The following DMXL2 variants were observed in gnomAD, a reference collection of about 807,000 sequenced individuals.
DMXL2 encodes dmX-like protein 2.
DMXL2 carries 103 observed loss-of-function variants against 331.1 expected under a neutral mutation model. The ratio of observed to expected loss-of-function variants is 0.31; its 90% CI spans 0.27 to 0.37. DMXL2 has a LOEUF of 0.37. Ranked by LOEUF, DMXL2 falls within the 10% of genes least tolerant of loss-of-function variation. The probability of loss-of-function intolerance (pLI) is 1.00; values close to 1 mark genes in which losing one functional copy is unlikely to be tolerated. For synonymous variants in DMXL2, 1,281 were observed against 1,252.1 expected (o/e 1.02, Z -0.49); for missense variants, 3,171 against 3,642.9 (o/e 0.87, Z 3.33).
chr15:51,600,115 T>C (rs972900189), intron 1 of DMXL2, among the ~76,000 whole-genome samples: 4 of 152,202 alleles, frequency 2.6e-5, no homozygotes, highest in African/African-American at 9.7e-5. Flanking sequence ...ATTCCTATAA[T>C]TTTAGGTTGC....
At chr15:51,601,654 TA>T (rs1320764403) in intron 1 of DMXL2, among the ~76,000 whole-genome samples, 1 of 152,218 alleles carries the variant, frequency 6.6e-6, no homozygotes, top group Non-Finnish European at 1.5e-5. Flanking sequence ...TCTTAATGAC[TA>T]CAACTTTTAT....
intron 1 of DMXL2, among the ~76,000 whole-genome samples, chr15:51,588,563 ATAAAT>A (rs1167596345): frequency 1.3e-5 from 2 of 152,354 alleles, no homozygotes; most frequent in African/African-American, 4.8e-5. Flanking sequence ...ATATACCAAC[ATAAAT>A]TAATATTTAT....
At chr15:51,615,965 C>T (rs1478313066) in intron 1 of DMXL2, among the ~76,000 whole-genome samples, 1 of 152,126 alleles carries the variant, frequency 6.6e-6, no homozygotes, top group Non-Finnish European at 1.5e-5. Context: ...TGAGTTTCTC[C>T]TTAGATCACA....
At chr15:51,489,229 T>C (rs2042615739) in intron 20 of DMXL2, among the ~76,000 whole-genome samples, 3 of 152,190 alleles carry the variant, frequency 2.0e-5, no homozygotes, top group Admixed American at 1.3e-4. Context: ...CTGCAAATCA[T>C]TAAGTTGAAA....
chr15:51,549,551 G>A (rs2049080920), intron 6 of DMXL2, among the ~76,000 whole-genome samples: 1 of 152,106 alleles, frequency 6.6e-6, no homozygotes, highest in South Asian at 2.1e-4. Flanking sequence ...TTCCATAGTG[G>A]TTGTACTAGT....
chr15:51,566,225 T>C (rs2050261296), intron 3 of DMXL2, among the ~76,000 whole-genome samples: 1 of 135,286 alleles, frequency 7.4e-6, no homozygotes, highest in African/African-American at 2.8e-5. Flanking sequence ...AAAAAATGTG[T>C]GTGTGGGGTG....
intron 6 of DMXL2, 64 bp downstream of exon 6, chr15:51,563,313 AAAAT>A: frequency 7.7e-7 from 1 of 1,306,742 alleles, no homozygotes; most frequent in Non-Finnish European, 1.1e-6. Flanking sequence ...ACTGAAAATA[AAAAT>A]AAATAAGGAA....
chr15:51,457,926 C>CA (rs1347859679), intron 36 of DMXL2: 3 of 154,440 alleles, frequency 1.9e-5, no homozygotes, highest in Non-Finnish European at 4.3e-5. Context: ...CACATACTAA[C>CA]AAAAAAAAGA....
At chr15:51,580,820 T>A (rs1294962603) in intron 1 of DMXL2, among the ~76,000 whole-genome samples, 1 of 152,194 alleles carries the variant, frequency 6.6e-6, no homozygotes, top group Non-Finnish European at 1.5e-5. Context: ...TTAAAAATAT[T>A]AACCCTCACT....
intron 28 of DMXL2, 99 bp downstream of exon 28, chr15:51,474,245 G>T: frequency 8.6e-7 from 1 of 1,164,480 alleles, no homozygotes; most frequent in Non-Finnish European, 1.2e-6. Flanking sequence ...TTTAAGCATC[G>T]CTTATTTTCA....
intron 8 of DMXL2, among the ~76,000 whole-genome samples, chr15:51,543,546 G>A (rs1353336882): frequency 6.6e-6 from 1 of 152,022 alleles, no homozygotes; most frequent in Non-Finnish European, 1.5e-5. Flanking sequence ...CTGGATCTTT[G>A]ACATTAACCA....
intron 13 of DMXL2, among the ~76,000 whole-genome samples, chr15:51,535,027 G>A (rs2048208960): frequency 6.6e-6 from 1 of 152,098 alleles, no homozygotes; most frequent in Non-Finnish European, 1.5e-5. Flanking sequence ...CTCCTTAAAG[G>A]TAGGTCTGAA....
chr15:51,476,198 C>T (rs1412996369), intron 27 of DMXL2, among the ~76,000 whole-genome samples: 1 of 152,096 alleles, frequency 6.6e-6, no homozygotes, highest in Non-Finnish European at 1.5e-5. Context: ...AGAATAGTCA[C>T]TCCTACCCCA....
At chr15:51,474,176 C>T (rs1314862887) in intron 28 of DMXL2, among the ~76,000 whole-genome samples, 168 bp downstream of exon 28, 1 of 151,990 alleles carries the variant, frequency 6.6e-6, no homozygotes, top group Admixed American at 6.6e-5. Context: ...AAGTAACAAA[C>T]TATATGTTTA....
chr15:51,479,677 T>C (rs2041865691), intron 25 of DMXL2, among the ~76,000 whole-genome samples: 1 of 152,192 alleles, frequency 6.6e-6, no homozygotes, highest in African/African-American at 2.4e-5. Context: ...GAATGGAGGA[T>C]CTAAAGGGAT....
chr15:51,470,269 A>G (rs910724506), intron 29 of DMXL2, among the ~76,000 whole-genome samples: 1 of 152,030 alleles, frequency 6.6e-6, no homozygotes, highest in Admixed American at 6.6e-5. Flanking sequence ...TCAAGCAGCT[A>G]GAACTACAGG....
intron 34 of DMXL2, chr15:51,459,138 T>C: frequency 4.3e-6 from 1 of 235,188 alleles, no homozygotes; most frequent in Non-Finnish European, 8.5e-6. Context: ...TAAGAATGTG[T>C]ATACATTAAG....
intron 1 of DMXL2, among the ~76,000 whole-genome samples, chr15:51,600,537 T>C (rs1451646025): frequency 6.6e-6 from 1 of 152,216 alleles, no homozygotes; most frequent in Non-Finnish European, 1.5e-5. Context: ...GGCACCCCTC[T>C]TCCTGTTGAC....
chr15:51,473,866 C>T (rs900048262), intron 28 of DMXL2, among the ~76,000 whole-genome samples: 1 of 152,144 alleles, frequency 6.6e-6, no homozygotes, highest in African/African-American at 2.4e-5. Context: ...AATTTAAAAA[C>T]TGTGTGTATG....
Sources: allele counts gnomAD v4.1 joint callset (sites outside exome capture counted in the v4.1 genomes callset), GRCh38; gene constraint gnomAD v4.1.1; transcripts MANE v1.5; gene names NCBI Gene and HGNC (gene_info 2026-07-23, HGNC 2026-07-21).